Variants in EAPP observed in about 807,000 individuals in gnomAD.
EAPP encodes the protein E2F-associated phosphoprotein.
In EAPP, 38 loss-of-function variants were observed where a neutral mutation model predicts 34.3. That is an observed-to-expected ratio of 1.11 (90% CI 0.85 to 1.45). The LOEUF is 1.45. Among genes scored for constraint, EAPP ranks in the 40% most tolerant of loss-of-function variants. EAPP has a pLI of 0.00. For synonymous variants in EAPP, 113 were observed against 117.6 expected (o/e 0.96, Z 0.25); for missense variants, 338 against 343.7 (o/e 0.98, Z 0.13).
At chr14:34,530,904 C>CAAAAAAAAAAAAAA (rs780101001) in intron 3 of EAPP, among the ~76,000 whole-genome samples, 29 of 55,154 alleles carry the variant, frequency 5.3e-4, no homozygotes, top group African/African-American at 1.1e-3. Context: ...CAATCTTTAC[C>CAAAAAAAAAAAAAA]AAAAAAAAAA....
At chr14:34,518,193 G>C (rs1317959197) in intron 5 of EAPP, among the ~76,000 whole-genome samples, 1 of 152,102 alleles carries the variant, frequency 6.6e-6, no homozygotes, top group East Asian at 1.9e-4. Flanking sequence ...TTGGTCTACT[G>C]TGTAGTTTAA....
At chr14:34,520,332 C>T (rs1879877953) in intron 5 of EAPP, among the ~76,000 whole-genome samples, 2 of 151,972 alleles carry the variant, frequency 1.3e-5, no homozygotes, top group African/African-American at 4.8e-5. Flanking sequence ...GCCTCAGCCT[C>T]CCCAGTAGCT....
In EAPP at chr14:34,522,671, C is replaced by T. The variant is rs1879956825; in HGVS notation, c.581+2026G>A. On this transcript the variant is annotated intron_variant, in intron 5 of 5. Transcript: ENST00000250454. Reference sequence around the variant, plus strand: ...GCTTCCTTTTTGGCACCAGATGGCACTTTAAGCCTCAGTTCTAGTAAACAC... The same window carrying T: ...GCTTCCTTTTTGGCACCAGATGGCATTTTAAGCCTCAGTTCTAGTAAACAC... Among the ~76,000 whole-genome samples, 2 of 152,140 alleles carry T rather than the reference C, an allele frequency of 1.3e-5. 1 individual carries two copies. Among genetic ancestry groups the T allele is most frequent in the South Asian group, 4.1e-4 (2 of 4,832 alleles).
chr14:34,523,479 T>C (rs6571662), intron 5 of EAPP, among the ~76,000 whole-genome samples: 116,253 of 149,770 alleles, frequency 0.78, 46,040 homozygotes, highest in Non-Finnish European at 0.85. Flanking sequence ...CCCACCTCGG[T>C]CTCCCAAAGT....
At position 34,536,225 on chromosome 14, in the gene EAPP, C is replaced by T. The variant is rs764537607; in HGVS notation, c.125G>A (p.Arg42Gln). 40 of 1,611,916 alleles carry T rather than the reference C, an allele frequency of 2.5e-5. No homozygotes were observed. The highest frequency in any genetic ancestry group is 2.7e-5 in the Non-Finnish European group (32 of 1,179,370). The change falls in exon 2 of 6, where the codon CGA becomes CAA. Residue 42 changes from arginine to glutamine, a missense_variant. Arg to Gln is a conservative substitution (Grantham distance 43, BLOSUM62 1). Transcript: ENST00000250454. Reference protein sequence around the residue: ...VLLHGTPDQKRKLIRECLTGE... With the variant: ...VLLHGTPDQKQKLIRECLTGE... ...GGTAAGACATTCTCTGATGAGTTTT[C>T]GTTTTTGGTCAGGAGTTCCATGTAA... is the stretch of plus-strand genomic sequence containing the variant.
intron 5 of EAPP, among the ~76,000 whole-genome samples, chr14:34,522,921 A>G (rs1321079305): frequency 2.6e-5 from 4 of 152,160 alleles, no homozygotes; most frequent in African/African-American, 9.7e-5. Flanking sequence ...AGAGAACTCA[A>G]AAAGGTAAAG....
chr14:34,525,977 G>A (rs1195542579), intron 4 of EAPP, among the ~76,000 whole-genome samples: 1 of 151,750 alleles, frequency 6.6e-6, no homozygotes, highest in African/African-American at 2.4e-5. Context: ...CCGAGATCAC[G>A]CCACTGCACT....
chr14:34,522,756 C>G lies in EAPP; in HGVS notation c.581+1941G>C, dbSNP rs182033565. 8.9e-3 allele frequency among the ~76,000 whole-genome samples: 1,350 copies of G among 152,258 alleles called. 28 individuals are homozygous for G. The highest frequency in any genetic ancestry group is 9.3e-3 in the Non-Finnish European group (633 of 68,030). On this transcript the variant is annotated intron_variant, in intron 5 of 5. Transcript: ENST00000250454. Reference sequence around the variant, plus strand: ...TGGGTCCCAAAGAGGATAGGGATATCCCAGTAGGATGGGAATGCTGGCTAG... The same window carrying G: ...TGGGTCCCAAAGAGGATAGGGATATGCCAGTAGGATGGGAATGCTGGCTAG...
At chr14:34,535,518 C>T (rs1406119664) in intron 2 of EAPP, among the ~76,000 whole-genome samples, 3 of 149,794 alleles carry the variant, frequency 2.0e-5, no homozygotes, top group Admixed American at 6.8e-5. Context: ...CTGCAAGCTC[C>T]GTCTCCTGGG....
At chr14:34,527,683 G>A (rs1880140311) in intron 4 of EAPP, among the ~76,000 whole-genome samples, 1 of 152,174 alleles carries the variant, frequency 6.6e-6, no homozygotes, top group Non-Finnish European at 1.5e-5. Context: ...AAAGCACTAT[G>A]CCCAGTGAAA....
At chr14:34,524,675 G>GTA in intron 5 of EAPP, 22 bp downstream of exon 5, 1 of 1,263,194 alleles carries the variant, frequency 7.9e-7, no homozygotes. Context: ...GTGTGTGTGT[G>GTA]TGTGTGTCCT....
chr14:34,523,717 T>G (rs1879999719), intron 5 of EAPP, among the ~76,000 whole-genome samples: 1 of 152,010 alleles, frequency 6.6e-6, no homozygotes, highest in South Asian at 2.1e-4. Context: ...TTTATTTTTT[T>G]ATTTTTTGTA....
At chr14:34,518,261 G>C (rs1879800753) in intron 5 of EAPP, among the ~76,000 whole-genome samples, 1 of 149,878 alleles carries the variant, frequency 6.7e-6, no homozygotes, top group African/African-American at 2.5e-5. Context: ...TGAGAGTGGA[G>C]TGTTGAAGTC....
At chr14:34,519,510 G>A (rs1879843158) in intron 5 of EAPP, among the ~76,000 whole-genome samples, 1 of 151,642 alleles carries the variant, frequency 6.6e-6, no homozygotes, top group African/African-American at 2.4e-5. Context: ...ACTCCAGCCT[G>A]GGTGACAAGC....
At position 34,530,205 on chromosome 14, in the gene EAPP, A is replaced by T. The variant is rs2138898526; in HGVS notation, c.353-730T>A. ...ACAAGAGCAAAACTCCGTCTCAAAA[A>T]AAAAAAGTTAAAAAAAACCCTTCAT... On this transcript the variant is annotated intron_variant, in intron 3 of 5. Transcript: ENST00000250454. 1.3e-5 allele frequency among the ~76,000 whole-genome samples: 2 copies of T among 151,966 alleles called. 1 individual carries two copies. The highest frequency in any genetic ancestry group is 6.8e-3 in the Middle Eastern group (2 of 294).
chr14:34,529,486 A>G lies in EAPP; in HGVS notation c.353-11T>C, dbSNP rs1340653641. Reference sequence around the variant, plus strand: ...TCTTGGTCACCTGTACTAATTTTGAAAATATTAGGATATGGCTAAGAATCA... The same window carrying G: ...TCTTGGTCACCTGTACTAATTTTGAGAATATTAGGATATGGCTAAGAATCA... On this transcript the variant is annotated splice_polypyrimidine_tract_variant and intron_variant, in intron 3 of 5. Coordinates refer to ENST00000250454, the MANE Select transcript of EAPP (RefSeq NM_018453.4). 1.9e-6 allele frequency: 3 copies of G among 1,555,336 alleles called. No individual in the cohort carries two copies. Among genetic ancestry groups the G allele is most frequent in the South Asian group, 2.2e-5 (2 of 89,250 alleles).
chr14:34,516,446 T>C lies in EAPP; in HGVS notation c.722A>G (p.Asp241Gly). The change falls in exon 6 of 6, where the codon GAT becomes GGT. Residue 241 changes from aspartate to glycine, a missense_variant. By Grantham distance (94) the Asp-to-Gly change is moderately conservative. Coordinates refer to ENST00000250454, the MANE Select transcript of EAPP (RefSeq NM_018453.4). ...ATCTGTCTCTGCCTTCTCGGCAGCA[T>C]CTTCCCGGTTAGACCTCATCTTCTT... ...VHKKMRSNRE[D>G]AAEKAETDVE... The C allele has an allele frequency of 6.2e-7, 1 of 1,614,240 alleles. No individual in the cohort carries two copies. The highest frequency in any genetic ancestry group is 8.5e-7 in the Non-Finnish European group (1 of 1,180,046).
At position 34,539,649 on chromosome 14, in the gene EAPP, A is replaced by G. The variant is rs376473356; in HGVS notation, c.-21T>C. On this transcript the variant is annotated 5_prime_UTR_variant, in exon 1 of 6. Transcript: ENST00000250454. ...TTCATGGTGGCCTGCAGCGGCCTAC[A>G]CCGTCCACAAGCAATTTGCAGCGTC... 3 of 1,531,246 alleles carry G rather than the reference A, an allele frequency of 2.0e-6. No individual in the cohort carries two copies. The highest frequency in any genetic ancestry group is 2.3e-5 in the East Asian group (1 of 44,032). The allele number at this position is 1,531,246 out of a possible 1,614,324, so 94.9% of individuals were successfully genotyped here.
Position 34,536,394 on chromosome 14 carries a change from TTATACA to T in EAPP, c.75-125_75-120del, listed in dbSNP as rs1880476240. On this transcript the variant is annotated intron_variant, in intron 1 of 5. Transcript: ENST00000250454. ...TATTACATGGTTACATTTGATGTAC[TTATACA>T]TTACATATAGCTATTCTCACTTAAT... 3 of 687,660 alleles carry T rather than the reference TTATACA, an allele frequency of 4.4e-6. No homozygotes were observed. The Admixed American group carries it at 1.0e-4, about 24-fold the overall frequency. The allele number at this position is 687,660 out of a possible 1,614,324, so 42.6% of individuals were successfully genotyped here.
Sources: gnomAD v4.1 joint callset for allele counts (sites outside exome capture counted in the v4.1 genomes callset) on GRCh38, gnomAD v4.1.1 for gene constraint, MANE v1.5 for transcripts, NCBI Gene and HGNC (gene_info 2026-07-23, HGNC 2026-07-21) for gene names.